The following CSMD1 variants were observed in gnomAD, a reference collection of about 807,000 sequenced individuals.
The protein encoded by CSMD1 is CUB and Sushi multiple domains 1, also known as CUB and sushi domain-containing protein 1.
A neutral mutation model predicts 417.5 loss-of-function variants in CSMD1; 213 were observed. The ratio of observed to expected loss-of-function variants is 0.51; its 90% confidence interval spans 0.46 to 0.57. The LOEUF (loss-of-function observed/expected upper bound fraction) is 0.57, where lower values mean the gene tolerates loss of function less well. CSMD1 is among the 20% of genes least tolerant of loss of function. The pLI, the probability that CSMD1 is intolerant of heterozygous loss-of-function variation, is 0.00. For synonymous variants in CSMD1, 2,862 were observed against 1,736.8 expected (o/e 1.65, Z -16.11); for missense variants, 6,923 against 4,529.7 (o/e 1.53, Z -15.17).
intron 1 of CSMD1, among the ~76,000 whole-genome samples, chr8:4,830,036 A>C (rs1377932868): frequency 6.6e-6 from 1 of 152,178 alleles, no homozygotes; most frequent in Non-Finnish European, 1.5e-5. Context: ...CTAAGGCACT[A>C]ATCACAAGGA....
intron 1 of CSMD1, among the ~76,000 whole-genome samples, chr8:4,699,162 G>T (rs575932374): frequency 4.6e-5 from 7 of 152,218 alleles, no homozygotes; most frequent in Non-Finnish European, 7.3e-5. Context: ...TTAATTCCGT[G>T]TTTCACTCTG....
At chr8:3,431,458 A>G (rs146951259) in intron 12 of CSMD1, among the ~76,000 whole-genome samples, 1 of 152,204 alleles carries the variant, frequency 6.6e-6, no homozygotes, top group Non-Finnish European at 1.5e-5. Flanking sequence ...TTCAGTTTTA[A>G]AAGGCTATTT....
intron 1 of CSMD1, among the ~76,000 whole-genome samples, chr8:4,814,438 G>C (rs112087385): frequency 2.0e-5 from 3 of 152,104 alleles, no homozygotes; most frequent in East Asian, 1.9e-4. Flanking sequence ...GTAGAAACAC[G>C]GTTTCACCAT....
chr8:4,183,910 G>T (rs536543758), intron 3 of CSMD1, among the ~76,000 whole-genome samples: 1 of 152,140 alleles, frequency 6.6e-6, no homozygotes, highest in African/African-American at 2.4e-5. Flanking sequence ...CACAGCTTGG[G>T]GCAGCTACCA....
In CSMD1 at chr8:4,874,520, G is replaced by T. The variant is rs547572223; in HGVS notation, c.85+119812C>A. On this transcript the variant is annotated intron_variant, in intron 1 of 69. Coordinates refer to ENST00000635120, the MANE Select transcript of CSMD1 (RefSeq NM_033225.6). ...TTCTCCTGCCTCAGCCTCCTGAGCA[G>T]CTGGGATTACGGGTGCCTGCCACCT... is the stretch of plus-strand genomic sequence containing the variant. Among the ~76,000 whole-genome samples the T allele has an allele frequency of 1.4e-3, 206 of 151,314 alleles. 2 individuals are homozygous for T. The highest frequency in any genetic ancestry group is 4.9e-3 in the African/African-American group (200 of 41,142).
intron 59 of CSMD1, among the ~76,000 whole-genome samples, chr8:2,965,238 G>A (rs1225846581): frequency 1.3e-5 from 2 of 152,118 alleles, no homozygotes; most frequent in African/African-American, 2.4e-5. Context: ...GTCTTGATTT[G>A]CCCAGAGGGT....
chr8:4,842,303 G>C (rs1054974737), intron 1 of CSMD1, among the ~76,000 whole-genome samples: 16 of 152,234 alleles, frequency 1.1e-4, no homozygotes, highest in African/African-American at 3.9e-4. Context: ...CCTTCCATTG[G>C]AAAAATTATT....
At chr8:3,605,626 A>G (rs1801575492) in intron 8 of CSMD1, among the ~76,000 whole-genome samples, 2 of 152,190 alleles carry the variant, frequency 1.3e-5, no homozygotes, top group African/African-American at 2.4e-5. Flanking sequence ...TTGATGACAC[A>G]TAATTCATAA....
intron 1 of CSMD1, among the ~76,000 whole-genome samples, chr8:4,802,993 G>A (rs1225914007): frequency 1.3e-5 from 2 of 152,120 alleles, no homozygotes; most frequent in Non-Finnish European, 2.9e-5. Context: ...TGTTATTAGA[G>A]CCAGCAGTAA....
chr8:4,423,174 C>A (rs1419359771), intron 2 of CSMD1, among the ~76,000 whole-genome samples: 1 of 152,074 alleles, frequency 6.6e-6, no homozygotes, highest in Non-Finnish European at 1.5e-5. Flanking sequence ...ATGCTTTGAA[C>A]ATTCTTATTC....
chr8:3,093,942 T>G (rs1228893203), intron 47 of CSMD1, among the ~76,000 whole-genome samples: 1 of 152,062 alleles, frequency 6.6e-6, no homozygotes, highest in Non-Finnish European at 1.5e-5. Context: ...AAAGCGTGTT[T>G]GGTATGTTGG....
chr8:4,538,733 T>A (rs1272621226), intron 2 of CSMD1, among the ~76,000 whole-genome samples: 2 of 152,142 alleles, frequency 1.3e-5, no homozygotes, highest in Non-Finnish European at 2.9e-5. Flanking sequence ...CAAGTAAACC[T>A]CCAAATTATT....
In CSMD1 at chr8:3,744,747, G is replaced by A. The variant is rs924262618; in HGVS notation, c.931+9183C>T. ...AGAGTCAGTGACTTACAGCATTAGG[G>A]TAATGTAGGTACTCTCAAGACTTGG... On this transcript the variant is annotated intron_variant, in intron 6 of 69. Coordinates refer to ENST00000635120, the MANE Select transcript of CSMD1 (RefSeq NM_033225.6). Among the ~76,000 whole-genome samples the A allele has an allele frequency of 1.6e-4, 24 of 152,302 alleles. 1 individual carries two copies. The highest frequency in any genetic ancestry group is 8.5e-4 in the Admixed American group (13 of 15,294).
chr8:4,328,588 T>A lies in CSMD1; in HGVS notation c.415+91365A>T, dbSNP rs561402544. ...AACAATTTAAAAAAATGAAAAAAAA[T>A]TAAAAATGAAGTCATTTTGTTTTGA... On this transcript the variant is annotated intron_variant, in intron 3 of 69. Transcript: ENST00000635120. Among the ~76,000 whole-genome samples, 6 of 152,198 alleles carry A rather than the reference T, an allele frequency of 3.9e-5. No homozygotes were observed. The South Asian group carries it at 1.0e-3, about 26-fold the overall frequency.
At position 3,231,484 on chromosome 8, in the gene CSMD1, A is replaced by C. The variant is rs189023485; in HGVS notation, c.4154-1253T>G. Among the ~76,000 whole-genome samples the C allele has an allele frequency of 4.1e-3, 619 of 152,224 alleles. 3 individuals are homozygous for C. Among genetic ancestry groups the C allele is most frequent in the Non-Finnish European group, 5.5e-3 (374 of 68,002 alleles). On this transcript the variant is annotated intron_variant, in intron 26 of 69. Coordinates refer to ENST00000635120, the MANE Select transcript of CSMD1 (RefSeq NM_033225.6). ...TTGCGTTTTGTTTTGTAAATTCTGA[A>C]GCATTTGTGTGTGTGCGTGTGTGTG...
chr8:4,586,268 G>A (rs936001367), intron 2 of CSMD1, among the ~76,000 whole-genome samples: 3 of 152,284 alleles, frequency 2.0e-5, no homozygotes, highest in African/African-American at 7.2e-5. Context: ...CATTCTGACT[G>A]TATTTTAGTA....
At chr8:4,468,353 C>T (rs1800317842) in intron 2 of CSMD1, among the ~76,000 whole-genome samples, 1 of 152,246 alleles carries the variant, frequency 6.6e-6, no homozygotes, top group South Asian at 2.1e-4. Flanking sequence ...TATCACAAAA[C>T]CTTTTAAAAA....
At chr8:3,549,646 GGGAGAAATCTA>G (rs1006199674) in intron 10 of CSMD1, among the ~76,000 whole-genome samples, 3 of 152,150 alleles carry the variant, frequency 2.0e-5, no homozygotes, top group Non-Finnish European at 2.9e-5. Flanking sequence ...CTAGCATGAT[GGGAGAAATCTA>G]GGAGAAATCT....
At chr8:4,120,882 G>T (rs1195655164) in intron 3 of CSMD1, among the ~76,000 whole-genome samples, 3 of 152,040 alleles carry the variant, frequency 2.0e-5, no homozygotes, top group African/African-American at 7.2e-5. Context: ...CTGTTTTATT[G>T]TTTATACACC....
Sources: gnomAD v4.1 joint callset for allele counts (sites outside exome capture counted in the v4.1 genomes callset) on GRCh38, gnomAD v4.1.1 for gene constraint, MANE v1.5 for transcripts, NCBI Gene and HGNC (gene_info 2026-07-23, HGNC 2026-07-21) for gene names.